Variants in URB2 observed in about 807,000 individuals in gnomAD.
URB2 encodes unhealthy ribosome biogenesis protein 2 homolog.
In URB2, 86 loss-of-function variants were observed where a neutral mutation model predicts 120.9. That is an observed-to-expected ratio of 0.71 (90% CI 0.60 to 0.85). URB2 has a LOEUF of 0.85. Ranked by LOEUF, URB2 falls within the 40% of genes least tolerant of loss-of-function variation. The probability of loss-of-function intolerance (pLI) is 0.00; values close to 1 mark genes in which losing one functional copy is unlikely to be tolerated. For synonymous variants in URB2, 755 were observed against 758.4 expected (o/e 1.00, Z 0.07); for missense variants, 1,765 against 1,836.5 (o/e 0.96, Z 0.71).
At position 229,636,990 on chromosome 1, in the gene URB2, A is replaced by G; in HGVS notation, c.2377A>G (p.Lys793Glu). 1 of 1,614,118 alleles carries G rather than the reference A, an allele frequency of 6.2e-7. No individual in the cohort carries two copies. Among genetic ancestry groups the G allele is most frequent in the Non-Finnish European group, 8.5e-7 (1 of 1,180,038 alleles). Residue 793 changes from lysine to glutamate, a missense_variant, in exon 4 of 10, where the codon AAA becomes GAA. Coordinates refer to ENST00000258243, the MANE Select transcript of URB2 (RefSeq NM_014777.4). ...ATACATCACACTGGAAAAAATATCC[A>G]AAGCCTTCCTTCATAGCCCTCTCTT... ...EAYITLEKIS[K>E]AFLHSPLFPE...
intron 4 of URB2, among the ~76,000 whole-genome samples, chr1:229,641,428 C>T (rs1175373179): frequency 6.6e-6 from 1 of 152,172 alleles, no homozygotes; most frequent in East Asian, 1.9e-4. Flanking sequence ...GGCCAGCCTG[C>T]CACACTGTGC....
chr1:229,626,945 A>G (rs993575561), intron 1 of URB2, among the ~76,000 whole-genome samples: 1 of 152,246 alleles, frequency 6.6e-6, no homozygotes, highest in East Asian at 1.9e-4. Context: ...GTTCCTTTTT[A>G]CTATAACTTT....
chr1:229,647,775 C>A (rs1021786747), intron 7 of URB2, 23 bp downstream of exon 7: 19 of 1,603,590 alleles, frequency 1.2e-5, no homozygotes, highest in Non-Finnish European at 1.5e-5. Flanking sequence ...GTGAGAGTGG[C>A]AGGCAGCTTT....
At position 229,635,974 on chromosome 1, in the gene URB2, G is replaced by T; in HGVS notation, c.1361G>T (p.Arg454Leu). The T allele has an allele frequency of 1.9e-6, 3 of 1,614,158 alleles. No homozygotes were observed. Among genetic ancestry groups the T allele is most frequent in the South Asian group, 1.1e-5 (1 of 91,084 alleles). The part of the protein sequence containing the change: ...RTKKAQEALI[R>L]TVFQTYAKLR... ...AAAAAAGCCCAGGAGGCGCTTATTC[G>T]TACTGTCTTCCAGACTTATGCCAAA... The change falls in exon 4 of 10, where the codon CGT becomes CTT. Residue 454 changes from arginine (R) to leucine (L), a missense_variant. Physicochemically the swap from Arg to Leu is moderately radical, Grantham distance 102. Coordinates refer to ENST00000258243, the MANE Select transcript of URB2 (RefSeq NM_014777.4).
chr1:229,650,176 CCAGCAGTGGT>C (rs1470650397), intron 7 of URB2, among the ~76,000 whole-genome samples: 4 of 152,190 alleles, frequency 2.6e-5, no homozygotes, highest in African/African-American at 9.6e-5. Flanking sequence ...GCAGCACTGT[CCAGCAGTGGT>C]CAGCAGTGGT....
chr1:229,628,730 G>C (rs1306240305), intron 2 of URB2, among the ~76,000 whole-genome samples: 1 of 152,200 alleles, frequency 6.6e-6, no homozygotes, highest in East Asian at 1.9e-4. Flanking sequence ...CATTTTGTTA[G>C]AATTTCTCAG....
chr1:229,644,252 A>G (rs1032230264), intron 5 of URB2, among the ~76,000 whole-genome samples: 2 of 152,276 alleles, frequency 1.3e-5, no homozygotes, highest in African/African-American at 4.8e-5. Context: ...GAAGAAGGCC[A>G]CAGGCCACAG....
At position 229,636,121 on chromosome 1, in the gene URB2, T is replaced by C. The variant is rs1558164213; in HGVS notation, c.1508T>C (p.Leu503Pro). The C allele has an allele frequency of 6.2e-7, 1 of 1,614,274 alleles. No homozygotes were observed. Among genetic ancestry groups the C allele is most frequent in the Non-Finnish European group, 8.5e-7 (1 of 1,180,052 alleles). The change falls in exon 4 of 10, where the codon CTG (leucine) becomes CCG (proline). Residue 503 changes from leucine (L) to proline (P), a missense_variant. Coordinates refer to ENST00000258243, the MANE Select transcript of URB2 (RefSeq NM_014777.4). ...TCCACGGTACTCTCTGCATGCCTCC[T>C]GGAGCTGCCTCCAAGTCAGATCCTG... ...GPSTVLSACL[L>P]ELPPSQILDT...
chr1:229,651,328 T>C lies in URB2; in HGVS notation c.4237+6T>C. On this transcript the variant is annotated splice_donor_region_variant and intron_variant, in intron 8 of 9. Transcript: ENST00000258243. ...AGGGCGGCAGAAGGACAAAGGTAAT[T>C]TGGAGTAACATCAGACACAGTTTCA... 6.2e-7 allele frequency: 1 copy of C among 1,609,932 alleles called. No individual in the cohort carries two copies. The highest frequency in any genetic ancestry group is 8.5e-7 in the Non-Finnish European group (1 of 1,178,130).
chr1:229,638,307 C>G, intron 4 of URB2, 60 bp downstream of exon 4: 3 of 1,497,100 alleles, frequency 2.0e-6, no homozygotes, highest in South Asian at 1.3e-5. Flanking sequence ...CACTGCTCCC[C>G]TTTTTGGAAC....
intron 2 of URB2, among the ~76,000 whole-genome samples, chr1:229,630,880 G>A (rs1419233145): frequency 6.6e-6 from 1 of 151,214 alleles, no homozygotes; most frequent in Admixed American, 6.6e-5. Context: ...TACTCAGGAG[G>A]CTGAGGCAGA....
rs1238926441 is a variant in URB2, at chr1:229,659,475, A to G, written c.*178A>G. On this transcript the variant is annotated 3_prime_UTR_variant, in exon 10 of 10. Transcript: ENST00000258243. ...TATTTTACATCGTGTTTTTCTTACT[A>G]TTTTTTAATACATAGTTTTATGCAG... is the stretch of plus-strand genomic sequence containing the variant. 3.4e-6 allele frequency: 2 copies of G among 591,590 alleles called. No homozygotes were observed. The highest frequency in any genetic ancestry group is 3.3e-5 in the Admixed American group (1 of 30,688). 36.6% of individuals were successfully genotyped at this position (591,590 alleles called of 1,614,324 possible). A position where few individuals can be genotyped will look rare whatever the true frequency, so the allele number is the denominator to read the frequency against.
chr1:229,638,150 G>A lies in URB2; in HGVS notation c.3537G>A (p.Leu1179=), dbSNP rs1665903176. 1 of 1,614,198 alleles carries A rather than the reference G, an allele frequency of 6.2e-7. No homozygotes were observed. The highest frequency in any genetic ancestry group is 1.3e-5 in the African/African-American group (1 of 75,046). ...AGHDQSFQAA[L]QFLTLFFLAP... The stretch of plus-strand genomic sequence containing the variant: ...ATGATCAGTCTTTTCAGGCAGCCTT[G>A]CAGTTTTTGACTCTGTTCTTTTTGG... Residue 1179 remains leucine (L), a synonymous_variant, in exon 4 of 10, where the codon TTG becomes TTA. Transcript: ENST00000258243.
At chr1:229,630,614 C>T (rs930867629) in intron 2 of URB2, among the ~76,000 whole-genome samples, 2 of 152,168 alleles carry the variant, frequency 1.3e-5, no homozygotes, top group African/African-American at 4.8e-5. Flanking sequence ...TTACCAGCTG[C>T]ATTAGACCTT....
In URB2 at chr1:229,636,819, C is replaced by A. The variant is rs766365463; in HGVS notation, c.2206C>A (p.Pro736Thr). The change falls in exon 4 of 10, where the codon CCT (proline) becomes ACT (threonine). Residue 736 changes from proline (P) to threonine (T), a missense_variant. By Grantham distance (38) the Pro-to-Thr change is conservative. Coordinates refer to ENST00000258243, the MANE Select transcript of URB2 (RefSeq NM_014777.4). ...TGGGATGGTGAGTGGACTCACATAC[C>A]CTGTAGCACACTGGCACTTGATTGT... ...QVGMVSGLTY[P>T]VAHWHLIVSN... 6 of 1,611,940 alleles carry A rather than the reference C, an allele frequency of 3.7e-6. No individual in the cohort carries two copies. The African/African-American group carries it at 8.0e-5, about 22-fold the overall frequency.
Position 229,635,983 on chromosome 1 carries a change from T to C in URB2, c.1370T>C (p.Phe457Ser). ...KAQEALIRTV[F>S]QTYAKLRQVP... ...CAGGAGGCGCTTATTCGTACTGTCT[T>C]CCAGACTTATGCCAAACTCCGACAA... The change falls in exon 4 of 10, where the codon TTC (phenylalanine) becomes TCC (serine). Residue 457 changes from phenylalanine (F) to serine (S), a missense_variant. By Grantham distance (155) the Phe-to-Ser change is radical. Transcript: ENST00000258243. The C allele has an allele frequency of 6.2e-7, 1 of 1,614,060 alleles. No homozygotes were observed. The highest frequency in any genetic ancestry group is 1.3e-5 in the African/African-American group (1 of 75,054).
At chr1:229,652,075 G>C (rs1463009547) in intron 8 of URB2, among the ~76,000 whole-genome samples, 1 of 152,070 alleles carries the variant, frequency 6.6e-6, no homozygotes, top group African/African-American at 2.4e-5. Context: ...CGAGCTACTT[G>C]GGAGGCTGAG....
At position 229,627,889 on chromosome 1, in the gene URB2, TA is replaced by T. The variant is rs921508432; in HGVS notation, c.126+133del. Reference sequence around the variant, plus strand: ...TTGGGGAGGGAACTTTGTTGGAAGTTAAATGTAATGTCAATGAAAAAAGTAA... The same window carrying T: ...TTGGGGAGGGAACTTTGTTGGAAGTTAATGTAATGTCAATGAAAAAAGTAA... On this transcript the variant is annotated intron_variant, in intron 2 of 9. Coordinates refer to ENST00000258243, the MANE Select transcript of URB2 (RefSeq NM_014777.4). 1.5e-5 allele frequency: 17 copies of T among 1,155,420 alleles called. No homozygotes were observed. In the African/African-American group the frequency reaches 2.7e-4, roughly 18 times the overall value. The allele number at this position is 1,155,420 out of a possible 1,614,324, so 71.6% of individuals were successfully genotyped here.
chr1:229,655,546 T>C (rs1666386780), intron 9 of URB2, among the ~76,000 whole-genome samples: 1 of 152,206 alleles, frequency 6.6e-6, no homozygotes, highest in Non-Finnish European at 1.5e-5. Flanking sequence ...TCAACAGTTA[T>C]CTTACTTTGG....
Sources: gnomAD v4.1 joint callset for allele counts (sites outside exome capture counted in the v4.1 genomes callset) on GRCh38, gnomAD v4.1.1 for gene constraint, MANE v1.5 for transcripts, NCBI Gene and HGNC (gene_info 2026-07-23, HGNC 2026-07-21) for gene names.